TRIM31: variants seen among roughly 807,000 people sequenced by gnomAD.
TRIM31 encodes the protein tripartite motif containing 31.
TRIM31 carries 31 observed loss-of-function variants against 40.6 expected under a neutral mutation model. That is an observed-to-expected ratio of 0.76 (90% CI 0.57 to 1.03). TRIM31 has a LOEUF of 1.03. Among genes scored for constraint, TRIM31 ranks in the 50% least tolerant of loss-of-function variants. The pLI, the probability that TRIM31 is intolerant of heterozygous loss-of-function variation, is 0.00. For missense variants in TRIM31, 455 were observed against 497.5 expected (o/e 0.91, Z 0.81); for synonymous variants, 164 against 193.9 (o/e 0.85, Z 1.28).
intron 6 of TRIM31, among the ~76,000 whole-genome samples, chr6:30,107,503 C>T (rs941632759): frequency 3.3e-5 from 5 of 149,734 alleles, no homozygotes; most frequent in Non-Finnish European, 5.9e-5. Flanking sequence ...ACCCTTCTTC[C>T]TAGTTGCAAA....
At chr6:30,109,332 G>C (rs576083415) in intron 4 of TRIM31, among the ~76,000 whole-genome samples, 1,559 of 152,238 alleles carry the variant, frequency 0.01, 23 homozygotes, top group African/African-American at 0.032. Flanking sequence ...GAACAAGGGA[G>C]CCTGCTAGCC....
chr6:30,112,299 G>A lies in TRIM31; in HGVS notation c.417+90C>T, dbSNP rs1452426609. ...GCCCAAGGGGTGGGGGCAATGGGGT[G>A]CAAACCCTCAGTGGGAAGGTAGCAG... On this transcript the variant is annotated intron_variant, in intron 2 of 8. Coordinates refer to ENST00000376734, the MANE Select transcript of TRIM31 (RefSeq NM_007028.5). 2.1e-5 allele frequency: 31 copies of A among 1,482,440 alleles called. No individual in the cohort carries two copies. The East Asian group carries it at 6.1e-4, about 29-fold the overall frequency. 91.8% of individuals were successfully genotyped at this position (1,482,440 alleles called of 1,614,324 possible).
rs376929796 is a variant in TRIM31 at position 30,112,425 on chromosome 6, A to G, written c.381T>C (p.Asn127=). ...CRESKDHKSH[N]VSLIEEAAQN... ...GGGCAGCTTCTTCGATCAAGCTGAC[A>G]TTATGGGATTTGTGGTCCTTGGATT... Residue 127 remains asparagine (N), a synonymous_variant, in exon 2 of 9, where the codon AAT becomes AAC. Transcript: ENST00000376734. The G allele has an allele frequency of 6.2e-7, 1 of 1,612,966 alleles. No homozygotes were observed. The highest frequency in any genetic ancestry group is 2.2e-5 in the East Asian group (1 of 44,892).
chr6:30,112,730 G>A lies in TRIM31; in HGVS notation c.76C>T (p.Pro26Ser). 1.2e-6 allele frequency: 2 copies of A among 1,613,102 alleles called. No homozygotes were observed. The highest frequency in any genetic ancestry group is 1.7e-6 in the Non-Finnish European group (2 of 1,180,014). ...TTGTGCCCACAGTCGATGGTGACAG[G>A]TTTCTGCAGAATGTCCAGGCAGATG... ...CPICLDILQK[P>S]VTIDCGHNFC... Residue 26 changes from proline to serine, a missense_variant, in exon 2 of 9, where the codon CCT (proline) becomes TCT (serine). Pro to Ser is a moderately conservative substitution (Grantham distance 74). Coordinates refer to ENST00000376734, the MANE Select transcript of TRIM31 (RefSeq NM_007028.5).
rs1768348415 is a variant in TRIM31, at chr6:30,103,191, C to G, written c.*345G>C. The G allele has an allele frequency of 2.8e-6, 1 of 362,496 alleles. No homozygotes were observed. The highest frequency in any genetic ancestry group is 5.1e-6 in the Non-Finnish European group (1 of 196,006). 22.5% of individuals were successfully genotyped at this position (362,496 alleles called of 1,614,324 possible). A position where few individuals can be genotyped will look rare whatever the true frequency, so the allele number is the denominator to read the frequency against. ...TCACTCCTGGCTGAACTGGTGCCTT[C>G]GGTAAACAGCTGCTTAAAGAGTGCG... On this transcript the variant is annotated 3_prime_UTR_variant, in exon 9 of 9. Transcript: ENST00000376734.
At chr6:30,107,829 G>C in intron 6 of TRIM31, 3 of 495,322 alleles carry the variant, frequency 6.1e-6, no homozygotes, top group Non-Finnish European at 1.1e-5. Context: ...TATGGCTCTC[G>C]CAGGAGTCAG....
intron 5 of TRIM31, 100 bp downstream of exon 5, chr6:30,108,926 G>T: frequency 1.6e-6 from 2 of 1,273,200 alleles, no homozygotes; most frequent in Non-Finnish European, 2.3e-6. Flanking sequence ...AGGTGGGTGG[G>T]TATTTCTGAG....
chr6:30,108,981 T>C, intron 5 of TRIM31, 45 bp downstream of exon 5: 1 of 1,602,856 alleles, frequency 6.2e-7, no homozygotes, highest in Non-Finnish European at 8.5e-7. Flanking sequence ...GAATTGTGTG[T>C]GGATGAATCA....
intron 4 of TRIM31, 120 bp downstream of exon 4, chr6:30,110,328 C>G: frequency 1.2e-6 from 1 of 850,034 alleles, no homozygotes; most frequent in South Asian, 1.6e-5. Flanking sequence ...TATTGGACAG[C>G]ACTGGGCTAG....
In TRIM31 at chr6:30,103,691, A is replaced by G; in HGVS notation, c.1123T>C (p.Cys375Arg). 2 of 1,613,098 alleles carry G rather than the reference A, an allele frequency of 1.2e-6. No homozygotes were observed. The highest frequency in any genetic ancestry group is 1.7e-6 in the Non-Finnish European group (2 of 1,180,032). The part of the protein sequence containing the change: ...SSAGKVTFPV[C>R]LLASYDEISG... ...ATCTCATCATAAGAGGCCAGGAGAC[A>G]TACTGGAAAAGTGACTTTCCCAGCA... The change falls in exon 9 of 9, where the codon TGT becomes CGT. Residue 375 changes from cysteine (C) to arginine (R), a missense_variant. By Grantham distance (180) the Cys-to-Arg change is radical. Coordinates refer to ENST00000376734, the MANE Select transcript of TRIM31 (RefSeq NM_007028.5).
intron 4 of TRIM31, 148 bp downstream of exon 4, chr6:30,110,300 A>G: frequency 1.5e-6 from 1 of 651,704 alleles, no homozygotes; most frequent in Non-Finnish European, 2.7e-6. Context: ...ATTCTAATAC[A>G]TGCGGCTCAC....
At position 30,103,749 on chromosome 6, in the gene TRIM31, T is replaced by A; in HGVS notation, c.1065A>T (p.Ser355=). Residue 355 remains serine, a synonymous_variant, in exon 9 of 9, where the codon TCA becomes TCT. Transcript: ENST00000376734. The part of the protein sequence containing the change: ...TTSGPPNHHS[S]APSHSLFRAS... ...CCCGAAACAGGGAGTGGGATGGGGCTGAAGAGTGGTGATTTGGTGGCCCCG... is the reference window on the plus strand; with the variant it reads ...CCCGAAACAGGGAGTGGGATGGGGCAGAAGAGTGGTGATTTGGTGGCCCCG... 6.2e-7 allele frequency: 1 copy of A among 1,612,998 alleles called. No individual in the cohort carries two copies. The highest frequency in any genetic ancestry group is 8.5e-7 in the Non-Finnish European group (1 of 1,180,022).
In TRIM31 at chr6:30,109,036, C is replaced by T. The variant is rs569733107; in HGVS notation, c.757G>A (p.Val253Ile). 117 of 1,612,978 alleles carry T rather than the reference C, an allele frequency of 7.3e-5. No homozygotes were observed. The Middle Eastern group carries it at 8.2e-4, about 11-fold the overall frequency. The change falls in exon 5 of 9, where the codon GTC becomes ATC. Residue 253 changes from valine to isoleucine, a missense_variant. Coordinates refer to ENST00000376734, the MANE Select transcript of TRIM31 (RefSeq NM_007028.5). ...GGTGGCCCATCATACCTGCACAAGA[C>T]GACTTTGATATCCTAGAAGAGAAAG... The part of the protein sequence containing the change: ...PRQLLEDIKV[V>I]LCRSEEFQFL...
Position 30,111,705 on chromosome 6 carries a change from CT to C in TRIM31, c.455del (p.Lys152ArgfsTer8). The C allele has an allele frequency of 6.2e-7, 1 of 1,614,200 alleles. No individual in the cohort carries two copies. Among genetic ancestry groups the C allele is most frequent in the Non-Finnish European group, 8.5e-7 (1 of 1,180,036 alleles). ...CCTTCACTTGTACTGTCTCCTTCTC[CT>C]TTTGCTGCAAGACTTGGATCTGCTC... The part of the protein sequence containing the change: ...IQEQIQVLQQ[K>X]EKETVQVKAQ... On this transcript the variant is annotated frameshift_variant, in exon 3 of 9. Coordinates refer to ENST00000376734, the MANE Select transcript of TRIM31 (RefSeq NM_007028.5). LOFTEE classifies it high-confidence loss of function.
intron 5 of TRIM31, 129 bp from the exon 6 acceptor site, chr6:30,108,297 AC>A: frequency 1.5e-6 from 1 of 667,538 alleles, no homozygotes; most frequent in Non-Finnish European, 2.7e-6. Flanking sequence ...AGTGGCTCAC[AC>A]CTGTAATCCC....
chr6:30,105,351 C>A (rs555493909), intron 6 of TRIM31, 109 bp from the exon 7 acceptor site: 6 of 780,832 alleles, frequency 7.7e-6, no homozygotes, highest in African/African-American at 1.7e-5. Context: ...GAAGTAGAAG[C>A]TGCATTTGAC....
chr6:30,103,380 T>G lies in TRIM31; in HGVS notation c.*156A>C. On this transcript the variant is annotated 3_prime_UTR_variant, in exon 9 of 9. Coordinates refer to ENST00000376734, the MANE Select transcript of TRIM31 (RefSeq NM_007028.5). ...CTCTTCACCACCACCCCCGCCCCCATCTCCACTCTCAGTAGCCCGAGCCCT... is the reference window on the plus strand; with the variant it reads ...CTCTTCACCACCACCCCCGCCCCCAGCTCCACTCTCAGTAGCCCGAGCCCT... The G allele has an allele frequency of 5.6e-6, 3 of 537,274 alleles. No individual in the cohort carries two copies. The highest frequency in any genetic ancestry group is 1.0e-5 in the Non-Finnish European group (3 of 301,470). The allele number at this position is 537,274 out of a possible 1,614,324, so 33.3% of individuals were successfully genotyped here.
intron 3 of TRIM31, 136 bp downstream of exon 3, chr6:30,111,512 G>C: frequency 1.2e-6 from 1 of 820,386 alleles, no homozygotes; most frequent in Non-Finnish European, 2.0e-6. Flanking sequence ...CCGCCTGGCC[G>C]GTCAGGTGCT....
intron 5 of TRIM31, chr6:30,108,639 G>T (rs1045272178): frequency 9.2e-6 from 3 of 326,544 alleles, no homozygotes; most frequent in South Asian, 1.0e-4. Context: ...CAGGGCTAGG[G>T]ATATGGGGCG....
Sources: allele counts gnomAD v4.1 joint callset (sites outside exome capture counted in the v4.1 genomes callset), GRCh38; gene constraint gnomAD v4.1.1; transcripts MANE v1.5; gene names NCBI Gene and HGNC (gene_info 2026-07-23, HGNC 2026-07-21).